Variants in PTPRQ observed in about 807,000 individuals in gnomAD.
PTPRQ encodes phosphatidylinositol phosphatase PTPRQ.
PTPRQ carries 199 observed loss-of-function variants against 246.0 expected under a neutral mutation model. The ratio of observed to expected loss-of-function variants is 0.81; its 90% CI spans 0.72 to 0.91. PTPRQ has a LOEUF of 0.91. PTPRQ is among the 40% of genes least tolerant of loss of function. PTPRQ has a pLI of 0.00. For synonymous variants in PTPRQ, 869 were observed against 853.2 expected (o/e 1.02, Z -0.32); for missense variants, 2,624 against 2,528.4 (o/e 1.04, Z -0.81).
chr12:80,650,211 CA>C (rs1425268113), intron 37 of PTPRQ, among the ~76,000 whole-genome samples: 2 of 151,672 alleles, frequency 1.3e-5, no homozygotes, highest in African/African-American at 2.4e-5. Flanking sequence ...CCACGTTTTA[CA>C]GGGGGCCTTT....
At chr12:80,603,881 C>T (rs921627860) in intron 26 of PTPRQ, among the ~76,000 whole-genome samples, 17 of 151,430 alleles carry the variant, frequency 1.1e-4, no homozygotes, top group Non-Finnish European at 1.6e-4. Context: ...TCTATTTATC[C>T]CTTATCTTTA....
intron 33 of PTPRQ, among the ~76,000 whole-genome samples, chr12:80,629,586 G>T (rs1479294492): frequency 6.6e-6 from 1 of 152,188 alleles, no homozygotes; most frequent in Non-Finnish European, 1.5e-5. Flanking sequence ...AGGGAAATCA[G>T]AGGGGTAACA....
At chr12:80,487,282 T>C (rs1352952192) in intron 9 of PTPRQ, among the ~76,000 whole-genome samples, 1 of 152,092 alleles carries the variant, frequency 6.6e-6, no homozygotes, top group Non-Finnish European at 1.5e-5. Flanking sequence ...GGAGGGAAGA[T>C]GTGACATTGG....
intron 30 of PTPRQ, among the ~76,000 whole-genome samples, chr12:80,617,016 A>G (rs941748524): frequency 2.0e-5 from 3 of 151,230 alleles, no homozygotes; most frequent in Non-Finnish European, 3.0e-5. Context: ...ATTCTACCTG[A>G]TATGTCTCTT....
intron 25 of PTPRQ, among the ~76,000 whole-genome samples, chr12:80,568,568 G>C (rs1476741571): frequency 6.6e-6 from 1 of 152,090 alleles, no homozygotes; most frequent in Non-Finnish European, 1.5e-5. Context: ...AAAGTTTCTT[G>C]AACAGCAGTG....
chr12:80,645,414 A>G (rs1008289235), intron 35 of PTPRQ, among the ~76,000 whole-genome samples: 4 of 152,050 alleles, frequency 2.6e-5, no homozygotes, highest in African/African-American at 9.7e-5. Flanking sequence ...CAATTCAGAT[A>G]TTCCCTCACA....
intron 33 of PTPRQ, among the ~76,000 whole-genome samples, chr12:80,630,101 A>G (rs936778364): frequency 3.3e-5 from 5 of 152,284 alleles, no homozygotes; most frequent in South Asian, 2.1e-4. Flanking sequence ...AGCTACTTGT[A>G]TATACGTTTT....
chr12:80,540,030 A>G (rs577368655), intron 20 of PTPRQ, 86 bp downstream of exon 20: 2 of 1,162,698 alleles, frequency 1.7e-6, no homozygotes, highest in East Asian at 5.9e-5. Flanking sequence ...TTGAATTTGT[A>G]ATAACATCTT....
intron 25 of PTPRQ, among the ~76,000 whole-genome samples, chr12:80,577,550 A>G (rs78208750): frequency 0.011 from 1,706 of 152,298 alleles, 30 homozygotes; most frequent in African/African-American, 0.038. Context: ...ATTGGCCTCC[A>G]AACAGAATAT....
rs552667526 is a variant in PTPRQ at position 80,514,402 on chromosome 12, A to ACACACACACACACTCTCTCT, written c.2678+3960_2678+3961insACACACACACACTCTCTCTC. Reference sequence around the variant, plus strand: ...CACACACACACACACACACACACACACTCTCTCTCTCTCTCTCTGCTTTAA... The same window carrying ACACACACACACACTCTCTCT: ...CACACACACACACACACACACACACACACACACACACACTCTCTCTCTCTCTCTCTCTCTCTCTGCTTTAA... On this transcript the variant is annotated intron_variant, in intron 17 of 44. Coordinates refer to ENST00000644991, the MANE Select transcript of PTPRQ (RefSeq NM_001145026.2). Among the ~76,000 whole-genome samples, 770 of 113,020 alleles carry ACACACACACACACTCTCTCT rather than the reference A, an allele frequency of 6.8e-3. 6 individuals are homozygous for ACACACACACACACTCTCTCT. Among genetic ancestry groups the ACACACACACACACTCTCTCT allele is most frequent in the East Asian group, 0.026 (85 of 3,214 alleles). The allele number at this position is 113,020 out of a possible 152,430, so 74.1% of individuals were successfully genotyped here.
intron 33 of PTPRQ, among the ~76,000 whole-genome samples, chr12:80,627,189 T>G (rs1379099313): frequency 6.6e-6 from 1 of 151,948 alleles, no homozygotes; most frequent in Admixed American, 6.6e-5. Context: ...CACTTATCAT[T>G]TATTCCTCCT....
chr12:80,639,516 T>A (rs1296832279), intron 35 of PTPRQ, among the ~76,000 whole-genome samples: 2 of 152,180 alleles, frequency 1.3e-5, no homozygotes, highest in Non-Finnish European at 2.9e-5. Flanking sequence ...ACGAATAGAA[T>A]TAAAATTCAC....
At position 80,459,309 on chromosome 12, in the gene PTPRQ, A is replaced by AGTT. The variant is rs1172839888; in HGVS notation, c.488_490dup (p.Val163dup). ...CTCCAGGAAAAGTGGTGAATCTCAC[A>AGTT]GTTGAGGCCTACAACGCTTCAGCAG... On this transcript the variant is annotated inframe_insertion, in exon 5 of 45. Coordinates refer to ENST00000644991, the MANE Select transcript of PTPRQ (RefSeq NM_001145026.2). 6 of 398,470 alleles carry AGTT rather than the reference A, an allele frequency of 1.5e-5. No homozygotes were observed. Among genetic ancestry groups the AGTT allele is most frequent in the Non-Finnish European group, 2.7e-5 (6 of 225,938 alleles). 24.7% of individuals were successfully genotyped at this position (398,470 alleles called of 1,614,324 possible). A position where few individuals can be genotyped will look rare whatever the true frequency, so the allele number is the denominator to read the frequency against.
chr12:80,542,682 A>G (rs1234089751), intron 22 of PTPRQ, 48 bp from the exon 23 acceptor site: 1 of 1,505,924 alleles, frequency 6.6e-7, no homozygotes, highest in Non-Finnish European at 8.8e-7. Flanking sequence ...TGCTATTTTT[A>G]TGTTAAAAGT....
At chr12:80,655,425 A>G (rs998805990) in intron 38 of PTPRQ, among the ~76,000 whole-genome samples, 2 of 152,168 alleles carry the variant, frequency 1.3e-5, no homozygotes, top group Non-Finnish European at 2.9e-5. Context: ...AAGAGCTGCT[A>G]ACTTTCTGGG....
chr12:80,485,820 A>C (rs1592570019), intron 9 of PTPRQ, among the ~76,000 whole-genome samples: 1 of 152,068 alleles, frequency 6.6e-6, no homozygotes, highest in Non-Finnish European at 1.5e-5. Flanking sequence ...TCTGCTAATG[A>C]CATCTGTTGA....
intron 35 of PTPRQ, among the ~76,000 whole-genome samples, chr12:80,640,382 G>C (rs376373593): frequency 1.3e-3 from 195 of 152,216 alleles, no homozygotes; most frequent in African/African-American, 4.6e-3. Context: ...GACAAATTCT[G>C]TTCATATATT....
At chr12:80,446,478 T>C (rs1892557438) in intron 3 of PTPRQ, among the ~76,000 whole-genome samples, 1 of 151,852 alleles carries the variant, frequency 6.6e-6, no homozygotes, top group African/African-American at 2.4e-5. Context: ...TGTGCAGGTT[T>C]GTTACGTGGG....
At chr12:80,605,228 A>G (rs1160198309) in intron 27 of PTPRQ, 48 bp downstream of exon 27, 1 of 1,522,016 alleles carries the variant, frequency 6.6e-7, no homozygotes. Flanking sequence ...AATGGTTAAT[A>G]ATACAAGATT....
Sources: gnomAD v4.1 joint callset for allele counts (sites outside exome capture counted in the v4.1 genomes callset) on GRCh38, gnomAD v4.1.1 for gene constraint, MANE v1.5 for transcripts, NCBI Gene and HGNC (gene_info 2026-07-23, HGNC 2026-07-21) for gene names.